Variants in TTC27 observed in about 807,000 individuals in gnomAD.
TTC27 encodes the protein tetratricopeptide repeat protein 27.
A neutral mutation model predicts 115.9 loss-of-function variants in TTC27; 79 were observed. The ratio of observed to expected loss-of-function variants is 0.68; its 90% CI spans 0.57 to 0.82. The LOEUF (loss-of-function observed/expected upper bound fraction) is 0.82, where lower values mean the gene tolerates loss of function less well. TTC27 is among the 40% of genes least tolerant of loss of function. The pLI, the probability that TTC27 is intolerant of heterozygous loss-of-function variation, is 0.00. For synonymous variants in TTC27, 401 were observed against 356.0 expected, an observed-to-expected ratio of 1.13 and a Z score of -1.42; for missense variants, 1,054 against 993.1, an observed-to-expected ratio of 1.06 and a Z score of -0.82.
At chr2:32,799,775 G>T (rs766040234) in intron 16 of TTC27, among the ~76,000 whole-genome samples, 66 of 152,276 alleles carry the variant, frequency 4.3e-4, no homozygotes, top group Non-Finnish European at 7.2e-4. Flanking sequence ...GTAGGAATGA[G>T]AATTTAATAC....
chr2:32,726,407 C>G (rs1312162956), intron 10 of TTC27, among the ~76,000 whole-genome samples: 2 of 152,216 alleles, frequency 1.3e-5, no homozygotes, highest in Non-Finnish European at 2.9e-5. Context: ...TAAATCATCT[C>G]TCTCAAGTTC....
chr2:32,714,327 T>A (rs1341877172), intron 10 of TTC27, among the ~76,000 whole-genome samples: 2 of 151,878 alleles, frequency 1.3e-5, no homozygotes, highest in Non-Finnish European at 2.9e-5. Context: ...CCTGGCTAAT[T>A]TTTTGTATTT....
chr2:32,638,305 A>C (rs916648993), intron 3 of TTC27, among the ~76,000 whole-genome samples: 1 of 152,124 alleles, frequency 6.6e-6, no homozygotes, highest in Non-Finnish European at 1.5e-5. Context: ...TTATTCCTCT[A>C]TTACACTCTT....
At chr2:32,749,098 G>C (rs1437380375) in intron 12 of TTC27, among the ~76,000 whole-genome samples, 2 of 152,160 alleles carry the variant, frequency 1.3e-5, no homozygotes, top group Non-Finnish European at 2.9e-5. Context: ...TCTGTTGATT[G>C]CCTTTTCCCT....
chr2:32,762,136 A>G (rs553381666), intron 13 of TTC27, among the ~76,000 whole-genome samples: 1 of 152,342 alleles, frequency 6.6e-6, no homozygotes, highest in Admixed American at 6.5e-5. Flanking sequence ...GAACATTTCT[A>G]CTTTTGGTAG....
rs550001805 is a variant in TTC27, at chr2:32,814,377, G to T, written c.2308+1762G>T. Among the ~76,000 whole-genome samples, 4 of 152,294 alleles carry T rather than the reference G, an allele frequency of 2.6e-5. No individual in the cohort carries two copies. The South Asian group carries it at 8.3e-4, about 32-fold the overall frequency. On this transcript the variant is annotated intron_variant, in intron 18 of 19. Transcript: ENST00000317907. ...TGACATCATTGAATTATGTGTTCAT[G>T]CTCCTACAACATTTTAAGCGTATTT... is the stretch of plus-strand genomic sequence containing the variant.
Position 32,644,687 on chromosome 2 carries a change from C to T in TTC27, c.537+4277C>T, listed in dbSNP as rs184269924. Among the ~76,000 whole-genome samples the T allele has an allele frequency of 4.0e-3, 614 of 152,152 alleles. 2 individuals carry two copies. Among genetic ancestry groups the T allele is most frequent in the African/African-American group, 0.014 (583 of 41,520 alleles). ...CAAGTGATCCTCCCACCTCAGCCTC[C>T]TGAGTAGCTGGAACTTCAGGAGCAC... On this transcript the variant is annotated intron_variant, in intron 4 of 19. Coordinates refer to ENST00000317907, the MANE Select transcript of TTC27 (RefSeq NM_017735.5).
chr2:32,710,602 G>T (rs1342654711), intron 10 of TTC27, among the ~76,000 whole-genome samples: 1 of 151,048 alleles, frequency 6.6e-6, no homozygotes, highest in East Asian at 2.0e-4. Context: ...GCTAATTTTG[G>T]TATTTTTAGT....
chr2:32,772,525 G>A (rs112863108), intron 13 of TTC27, among the ~76,000 whole-genome samples: 3 of 152,198 alleles, frequency 2.0e-5, no homozygotes, highest in African/African-American at 7.2e-5. Context: ...ATAACTTTCA[G>A]TATAGTAGTC....
chr2:32,740,135 G>A (rs922234760), intron 12 of TTC27, among the ~76,000 whole-genome samples: 26 of 152,102 alleles, frequency 1.7e-4, no homozygotes, highest in Admixed American at 1.7e-3. Context: ...AAGGTTATCC[G>A]ACCCACTTAC....
chr2:32,720,607 G>T (rs1667892998), intron 10 of TTC27, among the ~76,000 whole-genome samples: 1 of 152,076 alleles, frequency 6.6e-6, no homozygotes. Flanking sequence ...TTTTTTTAAG[G>T]GAAGGGAAAA....
chr2:32,814,150 A>G (rs1671405924), intron 18 of TTC27, among the ~76,000 whole-genome samples: 1 of 152,258 alleles, frequency 6.6e-6, no homozygotes, highest in Non-Finnish European at 1.5e-5. Flanking sequence ...CTCGTCTGTA[A>G]CAGTCAAAGC....
chr2:32,651,958 C>T (rs181902539), intron 5 of TTC27, among the ~76,000 whole-genome samples: 261 of 152,198 alleles, frequency 1.7e-3, no homozygotes, highest in African/African-American at 3.6e-3. Context: ...GGGGGTCTAG[C>T]AGGGGGCCTG....
intron 12 of TTC27, 36 bp downstream of exon 12, chr2:32,736,852 C>G: frequency 1.2e-6 from 2 of 1,606,860 alleles, no homozygotes; most frequent in Non-Finnish European, 1.7e-6. Flanking sequence ...CTGGTGAGAG[C>G]CTTCCCTCTG....
intron 5 of TTC27, among the ~76,000 whole-genome samples, chr2:32,663,672 G>GTATT (rs1559194074): frequency 2.3e-5 from 3 of 129,044 alleles, no homozygotes; most frequent in African/African-American, 8.4e-5. Flanking sequence ...ATGTATGTAT[G>GTATT]TATGTATGTA....
intron 12 of TTC27, among the ~76,000 whole-genome samples, chr2:32,747,724 G>A (rs558762077): frequency 9.6e-4 from 146 of 152,262 alleles, no homozygotes; most frequent in African/African-American, 3.3e-3. Context: ...ATAAATATTT[G>A]TAGAATGGTG....
intron 4 of TTC27, among the ~76,000 whole-genome samples, chr2:32,644,329 CGACAGAGTGAG>C (rs1664768318): frequency 1.3e-5 from 2 of 149,466 alleles, no homozygotes; most frequent in African/African-American, 4.9e-5. Context: ...CCAGCCGAGG[CGACAGAGTGAG>C]ACTCTGTCTC....
chr2:32,729,722 C>G (rs1193416893), intron 10 of TTC27, among the ~76,000 whole-genome samples: 1 of 151,162 alleles, frequency 6.6e-6, no homozygotes, highest in Non-Finnish European at 1.5e-5. Flanking sequence ...TTACCTTTTA[C>G]GTTTATTCAC....
chr2:32,658,581 C>A (rs116761450), intron 5 of TTC27, among the ~76,000 whole-genome samples: 5 of 152,220 alleles, frequency 3.3e-5, no homozygotes, highest in Non-Finnish European at 5.9e-5. Context: ...TGTCATCAGC[C>A]TTTGTGTTCC....
Sources: gnomAD v4.1 joint callset for allele counts (sites outside exome capture counted in the v4.1 genomes callset) on GRCh38, gnomAD v4.1.1 for gene constraint, MANE v1.5 for transcripts, NCBI Gene and HGNC (gene_info 2026-07-23, HGNC 2026-07-21) for gene names.